Variants in LRP1B observed in about 807,000 individuals in gnomAD.
LRP1B encodes LDL receptor related protein 1B, also known as low-density lipoprotein receptor-related protein 1B.
Under a neutral mutation model 556.6 loss-of-function variants are expected in LRP1B, and 217 were observed. That is an observed-to-expected ratio of 0.39 (90% CI 0.35 to 0.44). The LOEUF (loss-of-function observed/expected upper bound fraction) is 0.44, where lower values mean the gene tolerates loss of function less well. LRP1B is among the 20% of genes least tolerant of loss of function. The pLI is 1.00. For missense variants in LRP1B, 5,053 were observed against 5,620.8 expected, an observed-to-expected ratio of 0.90 and a Z score of 3.23; for synonymous variants, 2,047 against 1,865.8, an observed-to-expected ratio of 1.10 and a Z score of -2.50.
At chr2:141,879,524 T>C (rs1034327472) in intron 1 of LRP1B, among the ~76,000 whole-genome samples, 19 of 151,962 alleles carry the variant, frequency 1.3e-4, no homozygotes, top group Non-Finnish European at 2.4e-4. Flanking sequence ...CATGTAAAAT[T>C]TGAGTCACTT....
chr2:141,281,444 T>C (rs2105388353), intron 3 of LRP1B, among the ~76,000 whole-genome samples: 1 of 152,190 alleles, frequency 6.6e-6, no homozygotes, highest in East Asian at 1.9e-4. Context: ...AAAATGAGTC[T>C]TATATAAATA....
chr2:141,732,384 A>G (rs1693307252), intron 2 of LRP1B, among the ~76,000 whole-genome samples: 1 of 152,036 alleles, frequency 6.6e-6, no homozygotes, highest in Non-Finnish European at 1.5e-5. Context: ...TGGGAGAGAC[A>G]TGCTTCTAGT....
chr2:141,289,216 C>T (rs1032471095), intron 3 of LRP1B, among the ~76,000 whole-genome samples: 1 of 151,602 alleles, frequency 6.6e-6, no homozygotes, highest in East Asian at 2.0e-4. Flanking sequence ...AACTCCGTCT[C>T]TACTAAAAAT....
chr2:141,104,817 T>C (rs1700564820), intron 7 of LRP1B, among the ~76,000 whole-genome samples: 1 of 152,068 alleles, frequency 6.6e-6, no homozygotes, highest in Non-Finnish European at 1.5e-5. Flanking sequence ...TTTCTACAGC[T>C]AATTTATCTC....
At chr2:141,414,339 G>T (rs1221197503) in intron 3 of LRP1B, among the ~76,000 whole-genome samples, 1 of 146,404 alleles carries the variant, frequency 6.8e-6, no homozygotes, top group African/African-American at 2.5e-5. Flanking sequence ...GAGAAAGAGA[G>T]AGAGAGAGGA....
At chr2:140,359,327 T>A (rs570844057) in intron 72 of LRP1B, among the ~76,000 whole-genome samples, 1 of 151,788 alleles carries the variant, frequency 6.6e-6, no homozygotes, top group East Asian at 1.9e-4. Flanking sequence ...AGCAAGCATA[T>A]GTTACAGGCC....
chr2:142,032,370 A>G (rs1225779456), intron 1 of LRP1B, among the ~76,000 whole-genome samples: 1 of 151,776 alleles, frequency 6.6e-6, no homozygotes, highest in African/African-American at 2.4e-5. Context: ...TTTGAATTAT[A>G]TATCATCAAT....
intron 41 of LRP1B, among the ~76,000 whole-genome samples, chr2:140,623,956 G>GTGTATATATATATATATATA (rs1339496296): frequency 3.0e-4 from 32 of 106,432 alleles, no homozygotes; most frequent in African/African-American, 8.2e-4. Context: ...TTTTATTTAT[G>GTGTATATATATATATATATA]TATATATATA....
intron 3 of LRP1B, among the ~76,000 whole-genome samples, chr2:141,397,288 C>T (rs1355885110): frequency 6.6e-6 from 1 of 151,540 alleles, no homozygotes; most frequent in African/African-American, 2.4e-5. Flanking sequence ...TTTCTTCCTT[C>T]TTTCGTAGAT....
intron 14 of LRP1B, among the ~76,000 whole-genome samples, chr2:141,010,827 T>A (rs1398113807): frequency 6.6e-6 from 1 of 151,876 alleles, no homozygotes; most frequent in Non-Finnish European, 1.5e-5. Flanking sequence ...TTGACAAGTC[T>A]CTTCTAATAT....
At chr2:141,553,500 C>A (rs1260808804) in intron 2 of LRP1B, among the ~76,000 whole-genome samples, 1 of 151,218 alleles carries the variant, frequency 6.6e-6, no homozygotes, top group African/African-American at 2.4e-5. Context: ...GGTCAACAGG[C>A]AAACATCTGC....
intron 2 of LRP1B, among the ~76,000 whole-genome samples, chr2:141,573,404 A>C (rs1686607197): frequency 6.6e-6 from 1 of 152,162 alleles, no homozygotes; most frequent in Non-Finnish European, 1.5e-5. Flanking sequence ...AATGAGCATA[A>C]AGAGACAATG....
chr2:141,663,920 CAA>C (rs796406816), intron 2 of LRP1B, among the ~76,000 whole-genome samples: 20 of 113,290 alleles, frequency 1.8e-4, no homozygotes, highest in South Asian at 2.9e-4. Flanking sequence ...AGAGATACAT[CAA>C]AAAAAAAAAA....
chr2:141,006,954 A>T (rs1014730025), intron 14 of LRP1B, among the ~76,000 whole-genome samples: 2 of 151,950 alleles, frequency 1.3e-5, no homozygotes, highest in African/African-American at 4.8e-5. Context: ...CTTATCTATA[A>T]ATGTGTCAAA....
chr2:141,753,262 C>CTATATATATATATATATATA (rs70994451), intron 2 of LRP1B, among the ~76,000 whole-genome samples: 7 of 36,226 alleles, frequency 1.9e-4, no homozygotes, highest in African/African-American at 4.4e-4. Context: ...CTCTCTCTCT[C>CTATATATATATATATATATA]CATATATATA....
At chr2:141,454,108 AG>A (rs1217400356) in intron 3 of LRP1B, among the ~76,000 whole-genome samples, 1 of 152,166 alleles carries the variant, frequency 6.6e-6, no homozygotes, top group Non-Finnish European at 1.5e-5. Flanking sequence ...AATATTGAAT[AG>A]AGTGAAAATT....
At chr2:141,645,125 G>A (rs934132578) in intron 2 of LRP1B, among the ~76,000 whole-genome samples, 1 of 152,092 alleles carries the variant, frequency 6.6e-6, no homozygotes, top group African/African-American at 2.4e-5. Context: ...AGTATTGGGG[G>A]TAAGTTATAA....
chr2:141,752,290 G>T (rs1378025285), intron 2 of LRP1B, among the ~76,000 whole-genome samples: 1 of 152,018 alleles, frequency 6.6e-6, no homozygotes, highest in Non-Finnish European at 1.5e-5. Flanking sequence ...GAATTTAAAG[G>T]TGCTATTTAC....
chr2:142,024,518 G>C (rs1703441851), intron 1 of LRP1B, among the ~76,000 whole-genome samples: 2 of 151,656 alleles, frequency 1.3e-5, no homozygotes, highest in Admixed American at 1.3e-4. Flanking sequence ...TAAGCAGTAA[G>C]AATTAAACTT....
Sources: allele counts gnomAD v4.1 joint callset (sites outside exome capture counted in the v4.1 genomes callset), GRCh38; gene constraint gnomAD v4.1.1; transcripts MANE v1.5; gene names NCBI Gene and HGNC (gene_info 2026-07-23, HGNC 2026-07-21).